Variants in TLL1 observed in about 807,000 individuals in gnomAD.
The protein encoded by TLL1 is tolloid-like protein 1.
Under a neutral mutation model 128.2 loss-of-function variants are expected in TLL1, and 49 were observed. That is an observed-to-expected ratio of 0.38 (90% confidence interval 0.30 to 0.48). TLL1 has a LOEUF of 0.48. Ranked by LOEUF, TLL1 falls within the 20% of genes least tolerant of loss-of-function variation. TLL1 has a pLI of 0.96. For missense variants in TLL1, 1,123 were observed against 1,242.0 expected (o/e 0.90, Z 1.44); for synonymous variants, 454 against 418.8 (o/e 1.08, Z -1.03).
At chr4:165,978,603 A>G (rs542460258) in intron 1 of TLL1, among the ~76,000 whole-genome samples, 57 of 152,296 alleles carry the variant, frequency 3.7e-4, no homozygotes, top group African/African-American at 1.2e-3. Context: ...ATGAGGATAT[A>G]TATATTTAAG....
intron 1 of TLL1, among the ~76,000 whole-genome samples, chr4:165,924,793 G>C (rs915220971): frequency 6.6e-6 from 1 of 152,172 alleles, no homozygotes; most frequent in Non-Finnish European, 1.5e-5. Flanking sequence ...CAAAGGACAG[G>C]CTGACTCTTT....
chr4:165,920,548 A>T (rs1375219613), intron 1 of TLL1, among the ~76,000 whole-genome samples: 2 of 152,180 alleles, frequency 1.3e-5, no homozygotes, highest in African/African-American at 2.4e-5. Context: ...TTTGTGAGAA[A>T]TTGTAGGGGA....
intron 1 of TLL1, among the ~76,000 whole-genome samples, chr4:165,933,731 A>T (rs919994358): frequency 4.0e-5 from 6 of 151,846 alleles, no homozygotes; most frequent in African/African-American, 1.5e-4. Flanking sequence ...GGACCACACC[A>T]CCTCAGAGCA....
chr4:166,014,662 T>C, intron 8 of TLL1, 102 bp downstream of exon 8: 1 of 1,558,738 alleles, frequency 6.4e-7, no homozygotes, highest in Non-Finnish European at 8.7e-7. Flanking sequence ...TCCCTCCCTG[T>C]TGGCAAGTGA....
intron 4 of TLL1, among the ~76,000 whole-genome samples, chr4:165,994,781 T>C (rs540973699): frequency 6.6e-6 from 1 of 152,298 alleles, no homozygotes; most frequent in African/African-American, 2.4e-5. Flanking sequence ...CCTATTAAAT[T>C]TGGAAGCTGA....
intron 1 of TLL1, among the ~76,000 whole-genome samples, chr4:165,969,106 T>C (rs1356768619): frequency 1.3e-5 from 2 of 152,186 alleles, no homozygotes; most frequent in East Asian, 1.9e-4. Context: ...TTATTTTTGT[T>C]TGAGTTATTT....
rs1730595480 is a variant in TLL1, at chr4:165,873,774, G to A, written c.-131G>A. On this transcript the variant is annotated 5_prime_UTR_variant, in exon 1 of 21. Transcript: ENST00000061240. ...CATCCACATGTTTCCGGACACCTGAGCACCCCGGTCCCGCCGAGGAGCCTC... is the reference window on the plus strand; with the variant it reads ...CATCCACATGTTTCCGGACACCTGAACACCCCGGTCCCGCCGAGGAGCCTC... 2.1e-6 allele frequency: 2 copies of A among 955,000 alleles called. No individual in the cohort carries two copies. The highest frequency in any genetic ancestry group is 1.6e-5 in the African/African-American group (1 of 61,506). The allele number at this position is 955,000 out of a possible 1,614,324, so 59.2% of individuals were successfully genotyped here.
rs535009543 is a variant in TLL1 at position 165,884,996 on chromosome 4, G to C, written c.169+10923G>C. 2.0e-5 allele frequency among the ~76,000 whole-genome samples: 3 copies of C among 152,048 alleles called. No individual in the cohort carries two copies. The East Asian group carries it at 5.8e-4, about 29-fold the overall frequency. The stretch of plus-strand genomic sequence containing the variant: ...CGGGTTCACTTTTTCTACATTTATA[G>C]GTCAGTAGAAGCAAAAATAAACAGT... On this transcript the variant is annotated intron_variant, in intron 1 of 20. Coordinates refer to ENST00000061240, the MANE Select transcript of TLL1 (RefSeq NM_012464.5).
chr4:165,988,682 G>A (rs183771207), intron 1 of TLL1, among the ~76,000 whole-genome samples: 8 of 152,030 alleles, frequency 5.3e-5, no homozygotes, highest in African/African-American at 1.4e-4. Context: ...TCAGGTTTTA[G>A]GGTAATGACT....
At chr4:165,933,923 ACTC>A (rs1336521102) in intron 1 of TLL1, among the ~76,000 whole-genome samples, 6 of 151,458 alleles carry the variant, frequency 4.0e-5, no homozygotes, top group African/African-American at 1.5e-4. Flanking sequence ...ATTGTTATGA[ACTC>A]CTTTTAGTTC....
intron 16 of TLL1, among the ~76,000 whole-genome samples, chr4:166,069,697 G>T (rs1483915618): frequency 6.6e-6 from 1 of 151,668 alleles, no homozygotes; most frequent in Non-Finnish European, 1.5e-5. Flanking sequence ...TAACATTGAA[G>T]GGATGTCTCT....
chr4:166,042,784 G>A (rs1455815684), intron 11 of TLL1, among the ~76,000 whole-genome samples: 2 of 152,154 alleles, frequency 1.3e-5, no homozygotes, highest in African/African-American at 2.4e-5. Flanking sequence ...GAAGCATTTT[G>A]TTTTAAGGAT....
intron 12 of TLL1, among the ~76,000 whole-genome samples, chr4:166,044,748 A>AT (rs1739388725): frequency 6.6e-6 from 1 of 152,186 alleles, no homozygotes; most frequent in South Asian, 2.1e-4. Context: ...AAAAAGGCTC[A>AT]TAAAAATTAT....
At chr4:165,960,024 C>G (rs954908468) in intron 1 of TLL1, among the ~76,000 whole-genome samples, 1 of 151,964 alleles carries the variant, frequency 6.6e-6, no homozygotes, top group South Asian at 2.1e-4. Flanking sequence ...ACCCAAAAAT[C>G]CATACAGAAG....
intron 15 of TLL1, among the ~76,000 whole-genome samples, chr4:166,063,459 A>G (rs1472002024): frequency 6.6e-6 from 1 of 152,190 alleles, no homozygotes; most frequent in Non-Finnish European, 1.5e-5. Context: ...TAGAACTAGA[A>G]ATACCATTTG....
rs370236945 is a variant in TLL1 at position 166,059,208 on chromosome 4, T to TAC, written c.1847-804_1847-803dup. 1.0e-2 allele frequency among the ~76,000 whole-genome samples: 1,504 copies of TAC among 150,758 alleles called. 15 individuals carry two copies. The highest frequency in any genetic ancestry group is 0.048 in the Middle Eastern group (14 of 292). ...AATATAGCATATATGTATATGTGTATACACACACACACACACATACACGTG... is the reference window on the plus strand; with the variant it reads ...AATATAGCATATATGTATATGTGTATACACACACACACACACACATACACGTG... On this transcript the variant is annotated intron_variant, in intron 14 of 20. Transcript: ENST00000061240.
chr4:165,974,777 G>T, intron 1 of TLL1, among the ~76,000 whole-genome samples: 1 of 152,160 alleles, frequency 6.6e-6, no homozygotes. Flanking sequence ...CCCAGGATGG[G>T]ATTCTCATTG....
chr4:166,017,592 G>A (rs1390036616), intron 8 of TLL1, among the ~76,000 whole-genome samples: 1 of 151,930 alleles, frequency 6.6e-6, no homozygotes, highest in Non-Finnish European at 1.5e-5. Context: ...CAGCCTTGCA[G>A]GTGTCTATTG....
chr4:165,954,976 A>T (rs987808228), intron 1 of TLL1, among the ~76,000 whole-genome samples: 1 of 152,110 alleles, frequency 6.6e-6, no homozygotes, highest in Non-Finnish European at 1.5e-5. Flanking sequence ...AATGGCTGAA[A>T]TGATAGACAG....
Sources: gnomAD v4.1 joint callset for allele counts (sites outside exome capture counted in the v4.1 genomes callset) on GRCh38, gnomAD v4.1.1 for gene constraint, MANE v1.5 for transcripts, NCBI Gene and HGNC (gene_info 2026-07-23, HGNC 2026-07-21) for gene names.